GRINA: variants seen among roughly 807,000 people sequenced by gnomAD.
GRINA encodes protein lifeguard 1.
In GRINA, 26 loss-of-function variants were observed where a neutral mutation model predicts 42.5. The observed-to-expected ratio is 0.61, with a 90% CI of 0.45 to 0.85. GRINA has a LOEUF of 0.85. Ranked by LOEUF, GRINA falls within the 40% of genes least tolerant of loss-of-function variation. The pLI is 0.00. For synonymous variants in GRINA, 256 were observed against 204.2 expected (o/e 1.25, Z -2.17); for missense variants, 475 against 481.5 (o/e 0.99, Z 0.13).
chr8:143,992,047 G>C lies in GRINA; in HGVS notation c.662G>C (p.Arg221Pro). 2 of 1,613,908 alleles carry C rather than the reference G, an allele frequency of 1.2e-6. No individual in the cohort carries two copies. The highest frequency in any genetic ancestry group is 1.7e-6 in the Non-Finnish European group (2 of 1,179,932). ...LIVLSCCGDF[R>P]RKHPWNLVAL... ...GTCCTCAGCTGTTGTGGGGACTTCC[G>C]GCGAAAGCACCCCTGGAACCTTGTT... is the stretch of plus-strand genomic sequence containing the variant. The change falls in exon 4 of 7, where the codon CGG becomes CCG. Residue 221 changes from arginine to proline, a missense_variant. Arg to Pro is a moderately radical substitution (Grantham distance 103, BLOSUM62 -2). Transcript: ENST00000395068.
rs992349130 is a variant in GRINA, at chr8:143,991,437, G to C, written c.214G>C (p.Gly72Arg). 2.8e-6 allele frequency: 4 copies of C among 1,453,140 alleles called. No individual in the cohort carries two copies. Among genetic ancestry groups the C allele is most frequent in the Non-Finnish European group, 3.6e-6 (4 of 1,097,952 alleles). 90.0% of individuals were successfully genotyped at this position (1,453,140 alleles called of 1,614,324 possible). Residue 72 changes from glycine (G) to arginine (R), a missense_variant, in exon 2 of 7, where the codon GGT (glycine) becomes CGT (arginine). Transcript: ENST00000395068. ...SPYPQGGYPQ[G>R]PYPQGGYPQG... ...CTACCCCCAAGGGGGCTACCCACAG[G>C]GTCCCTACCCCCAAGGGGGCTACCC...
In GRINA at chr8:143,993,149, G is replaced by A; in HGVS notation, c.*308G>A. ...TGCCAGCCCACCCCAGGGACTGGGG[G>A]CAGCACCAGGTCCCGGGGAGAGGGA... On this transcript the variant is annotated 3_prime_UTR_variant, in exon 7 of 7. Transcript: ENST00000395068. The A allele has an allele frequency of 2.7e-6, 1 of 367,028 alleles. No homozygotes were observed. The highest frequency in any genetic ancestry group is 5.1e-6 in the Non-Finnish European group (1 of 196,040). The allele number at this position is 367,028 out of a possible 1,614,324, so 22.7% of individuals were successfully genotyped here.
In GRINA at chr8:143,993,065, G is replaced by A; in HGVS notation, c.*224G>A. The A allele has an allele frequency of 1.8e-6, 1 of 545,704 alleles. No homozygotes were observed. 33.8% of individuals were successfully genotyped at this position (545,704 alleles called of 1,614,324 possible). A position where few individuals can be genotyped will look rare whatever the true frequency, so the allele number is the denominator to read the frequency against. On this transcript the variant is annotated 3_prime_UTR_variant, in exon 7 of 7. Coordinates refer to ENST00000395068, the MANE Select transcript of GRINA (RefSeq NM_001009184.2). The stretch of plus-strand genomic sequence containing the variant: ...TTAGTCCTCCCGCCCCCGCCAAGGG[G>A]CACCAAGGCCACGTTTCCGTGCCAC...
At position 143,991,888 on chromosome 8, in the gene GRINA, T is replaced by G; in HGVS notation, c.503T>G (p.Val168Gly). Residue 168 changes from valine to glycine, a missense_variant, in exon 4 of 7, where the codon GTG becomes GGG. Val to Gly is a moderately radical substitution (Grantham distance 109, BLOSUM62 -3). Around this residue, in one of 2 missense-constraint regions of GRINA, gnomAD observed 321 missense variants for 267.2 expected, o/e 1.20. Transcript: ENST00000395068. ...RQAFIRKVFL[V>G]LTLQLSVTLS... ...CGGCTCCTTCCCCAGGTGTTCCTAG[T>G]GCTGACCTTGCAGCTGTCGGTGACC... The G allele has an allele frequency of 6.2e-7, 1 of 1,611,764 alleles. No individual in the cohort carries two copies. The highest frequency in any genetic ancestry group is 8.5e-7 in the Non-Finnish European group (1 of 1,178,600).
chr8:143,992,139 C>T (rs879966610), intron 4 of GRINA, 61 bp downstream of exon 4: 6 of 1,602,298 alleles, frequency 3.7e-6, no homozygotes, highest in South Asian at 1.1e-5. Flanking sequence ...CACGCCCACT[C>T]TTCCGGGCCT....
At chr8:143,992,668 A>G (rs782544886) in intron 6 of GRINA, 24 bp from the exon 7 acceptor site, 24 of 1,613,782 alleles carry the variant, frequency 1.5e-5, no homozygotes, top group African/African-American at 2.7e-5. Flanking sequence ...TTGTCCCTCA[A>G]CACCACTGTG....
rs782181184 is a variant in GRINA, at chr8:143,992,822, T to C, written c.1097T>C (p.Ile366Thr). The change falls in exon 7 of 7, where the codon ATT becomes ACT. Residue 366 changes from isoleucine to threonine, a missense_variant. Transcript: ENST00000395068. ...ATCTTCCTGTACATCCTCACCATCA[T>C]TGGCCGCGCCAAGGAGTAGCCGAGC... ...INIFLYILTIIGRAKE is the reference protein window; with the variant it reads ...INIFLYILTITGRAKE The C allele has an allele frequency of 1.9e-6, 3 of 1,613,648 alleles. No homozygotes were observed. The highest frequency in any genetic ancestry group is 1.7e-6 in the Non-Finnish European group (2 of 1,179,882).
rs1834128445 is a variant in GRINA, at chr8:143,993,101, C to T, written c.*260C>T. On this transcript the variant is annotated 3_prime_UTR_variant, in exon 7 of 7. Coordinates refer to ENST00000395068, the MANE Select transcript of GRINA (RefSeq NM_001009184.2). ...ACGTTTCCGTGCCACCTCCTGTCTA[C>T]TCATTGTTGCATGAGCCCTGTCTGC... 9 of 473,518 alleles carry T rather than the reference C, an allele frequency of 1.9e-5. No individual in the cohort carries two copies. The South Asian group carries it at 2.1e-4, about 11-fold the overall frequency. The allele number at this position is 473,518 out of a possible 1,614,324, so 29.3% of individuals were successfully genotyped here.
Position 143,992,818 on chromosome 8 carries a change from A to G in GRINA, c.1093A>G (p.Ile365Val). The change falls in exon 7 of 7, where the codon ATC (isoleucine) becomes GTC (valine). Residue 365 changes from isoleucine to valine, a missense_variant. Around this residue, in one of 2 missense-constraint regions of GRINA, gnomAD observed 154 missense variants for 214.2 expected, o/e 0.72. Coordinates refer to ENST00000395068, the MANE Select transcript of GRINA (RefSeq NM_001009184.2). ...IINIFLYILTIIGRAKE is the reference protein window; with the variant it reads ...IINIFLYILTVIGRAKE ...CAACATCTTCCTGTACATCCTCACC[A>G]TCATTGGCCGCGCCAAGGAGTAGCC... 6.2e-7 allele frequency: 1 copy of G among 1,613,646 alleles called. No homozygotes were observed. The highest frequency in any genetic ancestry group is 8.5e-7 in the Non-Finnish European group (1 of 1,179,884).
rs1311361789 is a variant in GRINA at position 143,990,327 on chromosome 8, C to G, written c.-25+128C>G. Reference sequence around the variant, plus strand: ...GCCGCCTCGGGTCAGTAAGTTGGTCCGGCCGGGGCGCGCGGCAGCTCGCGG... The same window carrying G: ...GCCGCCTCGGGTCAGTAAGTTGGTCGGGCCGGGGCGCGCGGCAGCTCGCGG... On this transcript the variant is annotated intron_variant, in intron 1 of 6. Coordinates refer to ENST00000395068, the MANE Select transcript of GRINA (RefSeq NM_001009184.2). The surrounding 1 kb of genome is among the most constrained non-coding windows in gnomAD (Gnocchi z 5.6). 1.3e-5 allele frequency: 2 copies of G among 150,458 alleles called. No homozygotes were observed. The highest frequency in any genetic ancestry group is 3.0e-5 in the Non-Finnish European group (2 of 67,284). 9.3% of individuals were successfully genotyped at this position (150,458 alleles called of 1,614,324 possible). A position where few individuals can be genotyped will look rare whatever the true frequency, so the allele number is the denominator to read the frequency against.
intron 4 of GRINA, 22 bp from the exon 5 acceptor site, chr8:143,992,223 A>G (rs1554750657): frequency 6.2e-7 from 1 of 1,603,564 alleles, no homozygotes; most frequent in Non-Finnish European, 8.5e-7. Context: ...ACCCAAGGTC[A>G]GCCTGTGTCT....
In GRINA at chr8:143,993,293, G is replaced by A. The variant is rs918860576; in HGVS notation, c.*452G>A. ...GTGCTGCCCTCTGGGGACATGCGGA[G>A]TGGGGGTCTTATCCCTGTGCTGAGC... On this transcript the variant is annotated 3_prime_UTR_variant, in exon 7 of 7. Transcript: ENST00000395068. 2.0e-5 allele frequency: 4 copies of A among 202,466 alleles called. No individual in the cohort carries two copies. Among genetic ancestry groups the A allele is most frequent in the Admixed American group, 5.3e-5 (1 of 18,976 alleles). 12.5% of individuals were successfully genotyped at this position (202,466 alleles called of 1,614,324 possible). A position where few individuals can be genotyped will look rare whatever the true frequency, so the allele number is the denominator to read the frequency against.
Position 143,991,863 on chromosome 8 carries a change from C to A in GRINA, c.493-15C>A. The A allele has an allele frequency of 6.2e-7, 1 of 1,609,394 alleles. No individual in the cohort carries two copies. The highest frequency in any genetic ancestry group is 8.5e-7 in the Non-Finnish European group (1 of 1,176,824). ...GTGGCTCCCAGCGGATGACTCTGAG[C>A]GGCTCCTTCCCCAGGTGTTCCTAGT... On this transcript the variant is annotated splice_polypyrimidine_tract_variant and intron_variant, in intron 3 of 6. Transcript: ENST00000395068.
rs376091130 is a variant in GRINA at position 143,991,864 on chromosome 8, G to A, written c.493-14G>A. 81 of 1,610,278 alleles carry A rather than the reference G, an allele frequency of 5.0e-5. No individual in the cohort carries two copies. Among genetic ancestry groups the A allele is most frequent in the African/African-American group, 6.7e-5 (5 of 74,844 alleles). On this transcript the variant is annotated splice_polypyrimidine_tract_variant and intron_variant, in intron 3 of 6. Coordinates refer to ENST00000395068, the MANE Select transcript of GRINA (RefSeq NM_001009184.2). Reference sequence around the variant, plus strand: ...TGGCTCCCAGCGGATGACTCTGAGCGGCTCCTTCCCCAGGTGTTCCTAGTG... The same window carrying A: ...TGGCTCCCAGCGGATGACTCTGAGCAGCTCCTTCCCCAGGTGTTCCTAGTG...
At chr8:143,992,174 C>T (rs782559819) in intron 4 of GRINA, 71 bp from the exon 5 acceptor site, 7 of 1,601,150 alleles carry the variant, frequency 4.4e-6, no homozygotes, top group African/African-American at 1.3e-5. Context: ...TCCTTGTGCT[C>T]ATGAGGCAGG....
chr8:143,991,851 G>A, intron 3 of GRINA, 27 bp from the exon 4 acceptor site: 1 of 1,610,080 alleles, frequency 6.2e-7, no homozygotes, highest in East Asian at 2.2e-5. Flanking sequence ...GCTCCCAGCG[G>A]ATGACTCTGA....
intron 1 of GRINA, 181 bp from the exon 2 acceptor site, chr8:143,991,019 C>T (rs1435433818): frequency 1.2e-5 from 5 of 424,354 alleles, no homozygotes; most frequent in Non-Finnish European, 2.1e-5. Flanking sequence ...CGGCGCCGCC[C>T]GTCCGGTCCT....
chr8:143,992,182 A>T, intron 4 of GRINA, 63 bp from the exon 5 acceptor site: 2 of 1,599,542 alleles, frequency 1.3e-6, no homozygotes, highest in South Asian at 2.2e-5. Context: ...CTCATGAGGC[A>T]GGGGCCGGCA....
rs978147055 is a variant in GRINA, at chr8:143,993,219, T to G, written c.*378T>G. ...TGCACGTCTTCCCTCCTGTCCCAGC[T>G]CCCCAGCCTGGCGTAGAGCACCCCT... On this transcript the variant is annotated 3_prime_UTR_variant, in exon 7 of 7. Transcript: ENST00000395068. 7.8e-6 allele frequency: 2 copies of G among 256,306 alleles called. No homozygotes were observed. The highest frequency in any genetic ancestry group is 1.5e-5 in the Non-Finnish European group (2 of 130,000). 15.9% of individuals were successfully genotyped at this position (256,306 alleles called of 1,614,324 possible). A position where few individuals can be genotyped will look rare whatever the true frequency, so the allele number is the denominator to read the frequency against.
Sources: allele counts gnomAD v4.1 joint callset, GRCh38; gene constraint gnomAD v4.1.1; regional missense constraint gnomAD v4.1.1; non-coding constraint Gnocchi (gnomAD v3.1); transcripts MANE v1.5; gene names NCBI Gene and HGNC (gene_info 2026-07-23, HGNC 2026-07-21).